The following CSMD1 variants were observed in gnomAD, a reference collection of about 807,000 sequenced individuals.
The protein encoded by CSMD1 is CUB and sushi domain-containing protein 1.
A neutral mutation model predicts 417.5 loss-of-function variants in CSMD1; 213 were observed. That is an observed-to-expected ratio of 0.51 (90% CI 0.46 to 0.57). The LOEUF is 0.57. Among genes scored for constraint, CSMD1 ranks in the 20% least tolerant of loss-of-function variants. The pLI is 0.00. For missense variants in CSMD1, 6,923 were observed against 4,529.7 expected (o/e 1.53, Z -15.17); for synonymous variants, 2,862 against 1,736.8 (o/e 1.65, Z -16.11).
At chr8:4,610,818 G>C (rs961476921) in intron 2 of CSMD1, among the ~76,000 whole-genome samples, 5 of 152,110 alleles carry the variant, frequency 3.3e-5, no homozygotes, top group African/African-American at 1.2e-4. Flanking sequence ...TGGCATGCAT[G>C]CCTGTGAGTA....
chr8:4,264,729 G>T (rs1453167519), intron 3 of CSMD1, among the ~76,000 whole-genome samples: 3 of 152,110 alleles, frequency 2.0e-5, no homozygotes, highest in Non-Finnish European at 4.4e-5. Context: ...ACTGCCCAGG[G>T]GTAGGGAACA....
At chr8:4,762,287 G>C (rs909861728) in intron 1 of CSMD1, among the ~76,000 whole-genome samples, 2 of 151,982 alleles carry the variant, frequency 1.3e-5, no homozygotes, top group African/African-American at 4.8e-5. Context: ...CGGGTAATTG[G>C]GGAGAGAGAA....
chr8:3,946,199 G>A (rs908951284), intron 5 of CSMD1, among the ~76,000 whole-genome samples: 1 of 152,100 alleles, frequency 6.6e-6, no homozygotes, highest in Non-Finnish European at 1.5e-5. Flanking sequence ...CAGTGGTTTA[G>A]CAACTGTTCT....
intron 4 of CSMD1, among the ~76,000 whole-genome samples, chr8:4,005,730 A>G (rs1215675285): frequency 6.6e-6 from 1 of 152,218 alleles, no homozygotes; most frequent in Non-Finnish European, 1.5e-5. Context: ...TGTTTCAGCT[A>G]AATATGTGGA....
intron 5 of CSMD1, among the ~76,000 whole-genome samples, chr8:3,842,563 G>A (rs549579643): frequency 6.6e-6 from 1 of 152,250 alleles, no homozygotes; most frequent in South Asian, 2.1e-4. Flanking sequence ...TGGGGACACA[G>A]TAGTAGAAAT....
intron 6 of CSMD1, among the ~76,000 whole-genome samples, chr8:3,741,213 TAAAAAAAA>T (rs58662516): frequency 4.6e-4 from 31 of 67,266 alleles, no homozygotes; most frequent in African/African-American, 1.7e-3. Flanking sequence ...GACTCCGTCT[TAAAAAAAA>T]AAAAAAAAAA....
At chr8:3,007,312 C>T (rs1808013102) in intron 52 of CSMD1, among the ~76,000 whole-genome samples, 2 of 151,824 alleles carry the variant, frequency 1.3e-5, no homozygotes, top group African/African-American at 2.4e-5. Flanking sequence ...AGGAACACTA[C>T]ACTGTTGGTG....
At chr8:4,458,900 G>T (rs1304464209) in intron 2 of CSMD1, among the ~76,000 whole-genome samples, 1 of 152,190 alleles carries the variant, frequency 6.6e-6, no homozygotes, top group Non-Finnish European at 1.5e-5. Flanking sequence ...AATGGGTGGA[G>T]AATGTATTAA....
At chr8:3,762,230 G>C (rs2046197) in intron 5 of CSMD1, among the ~76,000 whole-genome samples, 84,549 of 151,712 alleles carry the variant, frequency 0.56, 23,889 homozygotes, top group Admixed American at 0.6. Context: ...TCCTGACTCA[G>C]ATCATCCCAT....
At chr8:3,732,939 T>TTATC (rs1390455051) in intron 6 of CSMD1, among the ~76,000 whole-genome samples, 2 of 152,138 alleles carry the variant, frequency 1.3e-5, no homozygotes, top group African/African-American at 2.4e-5. Flanking sequence ...TATCTATCCA[T>TTATC]TATCTATCTA....
intron 2 of CSMD1, among the ~76,000 whole-genome samples, chr8:4,463,010 T>C (rs184593167): frequency 1.3e-5 from 2 of 152,294 alleles, no homozygotes; most frequent in East Asian, 3.9e-4. Flanking sequence ...CAGAAAAAGA[T>C]CTATAGAATA....
At chr8:4,757,894 G>A (rs551804407) in intron 1 of CSMD1, among the ~76,000 whole-genome samples, 9 of 150,406 alleles carry the variant, frequency 6.0e-5, no homozygotes, top group African/African-American at 9.8e-5. Context: ...GGGAGGCAGC[G>A]GTTGAAGGGA....
intron 3 of CSMD1, among the ~76,000 whole-genome samples, chr8:4,268,626 G>A (rs897848364): frequency 4.6e-5 from 7 of 151,992 alleles, no homozygotes; most frequent in African/African-American, 1.7e-4. Flanking sequence ...TTACAGTCAA[G>A]TTCACAGAAA....
chr8:4,195,848 G>T (rs1038732848), intron 3 of CSMD1, among the ~76,000 whole-genome samples: 1 of 152,082 alleles, frequency 6.6e-6, no homozygotes, highest in Admixed American at 6.6e-5. Flanking sequence ...TGGAATTAAC[G>T]CCTTGATCAT....
At chr8:4,661,119 A>T (rs1204922380) in intron 1 of CSMD1, among the ~76,000 whole-genome samples, 1 of 152,208 alleles carries the variant, frequency 6.6e-6, no homozygotes, top group African/African-American at 2.4e-5. Context: ...ACTACTAGGC[A>T]TTTATCCTAG....
At chr8:3,042,398 C>A (rs188074903) in intron 50 of CSMD1, among the ~76,000 whole-genome samples, 39 of 152,250 alleles carry the variant, frequency 2.6e-4, no homozygotes, top group Non-Finnish European at 1.2e-4. Context: ...AGCACAGAGA[C>A]ATTTCCTTTT....
chr8:3,747,196 G>C (rs13251397), intron 6 of CSMD1, among the ~76,000 whole-genome samples: 47,683 of 152,026 alleles, frequency 0.31, 7,705 homozygotes, highest in Admixed American at 0.36. Flanking sequence ...TGTATGACGA[G>C]AGCCACAGCC....
At chr8:3,816,085 A>C (rs2129079836) in intron 5 of CSMD1, among the ~76,000 whole-genome samples, 1 of 152,268 alleles carries the variant, frequency 6.6e-6, no homozygotes, top group South Asian at 2.1e-4. Flanking sequence ...TTCCTGACAA[A>C]CCTGCCTTCA....
intron 54 of CSMD1, among the ~76,000 whole-genome samples, chr8:2,992,768 G>A (rs576459034): frequency 1.4e-4 from 21 of 151,620 alleles, no homozygotes; most frequent in Admixed American, 3.9e-4. Flanking sequence ...TTTGAGATGG[G>A]GTCTTGCTCT....
Sources: allele counts gnomAD v4.1 joint callset (sites outside exome capture counted in the v4.1 genomes callset), GRCh38; gene constraint gnomAD v4.1.1; transcripts MANE v1.5; gene names NCBI Gene and HGNC (gene_info 2026-07-23, HGNC 2026-07-21).